Variants in POLR2C observed in about 807,000 individuals in gnomAD.
POLR2C encodes DNA-directed RNA polymerase II subunit RPB3.
A neutral mutation model predicts 41.7 loss-of-function variants in POLR2C; 36 were observed. That is an observed-to-expected ratio of 0.86 (90% CI 0.66 to 1.14). The LOEUF (loss-of-function observed/expected upper bound fraction) is 1.14, where lower values mean the gene tolerates loss of function less well. Ranked by LOEUF, POLR2C falls within the 50% of genes most tolerant of loss-of-function variation. POLR2C has a pLI of 0.00. For missense variants in POLR2C, 260 were observed against 350.4 expected (o/e 0.74, Z 2.06); for synonymous variants, 133 against 137.8 (o/e 0.96, Z 0.25).
At chr16:57,470,872 TG>T in intron 8 of POLR2C, 102 bp from the exon 9 acceptor site, 1 of 1,141,786 alleles carries the variant, frequency 8.8e-7, no homozygotes, top group Non-Finnish European at 1.3e-6. Flanking sequence ...AAGTTCCATG[TG>T]GGAACAGAGC....
rs895181991 is a variant in POLR2C, at chr16:57,465,787, G to T, written c.137-166G>T. On this transcript the variant is annotated intron_variant, in intron 2 of 8. Transcript: ENST00000219252. ...CAGGGAGGTGAGGTGTGGTGTGTGT[G>T]GGTCTTATTAAAATGCAAGTACCTG... 10 of 620,476 alleles carry T rather than the reference G, an allele frequency of 1.6e-5. 1 individual carries two copies. The highest frequency in any genetic ancestry group is 4.3e-4 in the Middle Eastern group (1 of 2,346). The allele number at this position is 620,476 out of a possible 1,614,324, so 38.4% of individuals were successfully genotyped here. A position where few individuals can be genotyped will look rare whatever the true frequency, so the allele number is the denominator to read the frequency against.
chr16:57,463,180 G>A, intron 2 of POLR2C, 102 bp downstream of exon 2: 2 of 973,544 alleles, frequency 2.1e-6, no homozygotes, highest in Non-Finnish European at 1.6e-6. Context: ...TCGGGCTGAG[G>A]GTGGTAGTGC....
At chr16:57,463,515 A>C in intron 2 of POLR2C, 1 of 371,420 alleles carries the variant, frequency 2.7e-6, no homozygotes, top group South Asian at 2.0e-5. Flanking sequence ...CGCAATAGGT[A>C]GTTTTTCACC....
At chr16:57,463,684 C>T in intron 2 of POLR2C, 1 of 452,214 alleles carries the variant, frequency 2.2e-6, no homozygotes, top group Non-Finnish European at 4.4e-6. Flanking sequence ...GCGCTCGCGC[C>T]TGTAATTCCA....
At position 57,470,937 on chromosome 16, in the gene POLR2C, C is replaced by G. The variant is rs1214294913; in HGVS notation, c.684-38C>G. The G allele has an allele frequency of 1.9e-6, 3 of 1,603,928 alleles. No individual in the cohort carries two copies. In the African/African-American group the frequency reaches 4.1e-5, roughly 22 times the overall value. ...ATGGCCAGAGCTCGGGTCGGCCAGC[C>G]TGCCTCGCAGTGCACTCACTGGACT... On this transcript the variant is annotated intron_variant, in intron 8 of 8. Transcript: ENST00000219252.
chr16:57,466,215 G>A lies in POLR2C; in HGVS notation c.246G>A (p.Leu82=). 6.3e-7 allele frequency: 1 copy of A among 1,595,098 alleles called. No homozygotes were observed. The highest frequency in any genetic ancestry group is 8.5e-7 in the Non-Finnish European group (1 of 1,170,576). ...TTAGTGATGACATTGTGGACAAGCT[G>A]CAGTACTCTCGGGTATGTTGTGTGA... ...PLISDDIVDK[L]QYSRDCTCEE... is the part of the protein sequence containing the mutation. Residue 82 remains leucine, a synonymous_variant, in exon 4 of 9, where the codon CTG becomes CTA. Transcript: ENST00000219252.
Position 57,471,248 on chromosome 16 carries a change from G to A in POLR2C, c.*129G>A, listed in dbSNP as rs570557590. 13 of 757,074 alleles carry A rather than the reference G, an allele frequency of 1.7e-5. No individual in the cohort carries two copies. The East Asian group carries it at 3.4e-4, about 20-fold the overall frequency. 46.9% of individuals were successfully genotyped at this position (757,074 alleles called of 1,614,324 possible). A position where few individuals can be genotyped will look rare whatever the true frequency, so the allele number is the denominator to read the frequency against. On this transcript the variant is annotated 3_prime_UTR_variant, in exon 9 of 9. Coordinates refer to ENST00000219252, the MANE Select transcript of POLR2C (RefSeq NM_032940.3). ...GGTTGAGCTTCTTGGCAGGACATCA[G>A]TACCAACTAGAAGTGGGTCATAGAT... is the stretch of plus-strand genomic sequence containing the variant.
At chr16:57,462,924 A>C in intron 1 of POLR2C, 105 bp from the exon 2 acceptor site, 1 of 1,242,640 alleles carries the variant, frequency 8.0e-7, no homozygotes, top group Non-Finnish European at 1.1e-6. Context: ...ATGTCCTTCC[A>C]GAGCTGCCCC....
At position 57,470,264 on chromosome 16, in the gene POLR2C, C is replaced by A; in HGVS notation, c.609-16C>A. 1 of 1,612,366 alleles carries A rather than the reference C, an allele frequency of 6.2e-7. No homozygotes were observed. The highest frequency in any genetic ancestry group is 8.5e-7 in the Non-Finnish European group (1 of 1,178,932). On this transcript the variant is annotated splice_polypyrimidine_tract_variant and intron_variant, in intron 7 of 8. Transcript: ENST00000219252. ...GGAGCAGTGGCAACCTTGTGCTGAC[C>A]TGTGTTTGACCTCAGGCCAAAGAGT...
At chr16:57,466,297 G>A in intron 4 of POLR2C, 70 bp downstream of exon 4, 1 of 1,003,944 alleles carries the variant, frequency 1.0e-6, no homozygotes, top group East Asian at 2.4e-5. Context: ...GATTTTTCCT[G>A]ACATTTGGCA....
Position 57,465,971 on chromosome 16 carries a change from T to C in POLR2C, c.155T>C (p.Ile52Thr), listed in dbSNP as rs973801793. ...VPIIAIDWVQ[I>T]DANSSVLHDE... ...TTTTTAGCCATTGACTGGGTTCAGATTGATGCCAATTCCTCAGTTCTTCAT... is the reference window on the plus strand; with the variant it reads ...TTTTTAGCCATTGACTGGGTTCAGACTGATGCCAATTCCTCAGTTCTTCAT... Residue 52 changes from isoleucine to threonine, a missense_variant, in exon 3 of 9, where the codon ATT (isoleucine) becomes ACT (threonine). Coordinates refer to ENST00000219252, the MANE Select transcript of POLR2C (RefSeq NM_032940.3). 1.2e-6 allele frequency: 2 copies of C among 1,604,750 alleles called. No homozygotes were observed. Among genetic ancestry groups the C allele is most frequent in the Non-Finnish European group, 8.5e-7 (1 of 1,171,540 alleles).
At chr16:57,463,914 T>C (rs1014782586) in intron 2 of POLR2C, 4 of 205,358 alleles carry the variant, frequency 1.9e-5, no homozygotes, top group Non-Finnish European at 4.1e-5. Flanking sequence ...CACTCTGGCC[T>C]GGGCAATAGA....
At position 57,469,275 on chromosome 16, in the gene POLR2C, C is replaced by T. The variant is rs763077379; in HGVS notation, c.369C>T (p.Asn123=). 3.1e-6 allele frequency: 5 copies of T among 1,614,236 alleles called. No homozygotes were observed. The Admixed American group carries it at 6.7e-5, about 22-fold the overall frequency. ...RHVTSRDLIS[N]SPRVIPVTSR... ...TCACGTCTCGAGACCTCATCTCCAA[C>T]AGCCCCCGGGTCATTCCGGTCAGTG... The change falls in exon 5 of 9, where the codon AAC becomes AAT. Residue 123 remains asparagine (N), a synonymous_variant. Transcript: ENST00000219252. This position sits in a 1 kb window ranked among gnomAD's most constrained non-coding sequence, Gnocchi z 5.8.
In POLR2C at chr16:57,469,250, T is replaced by C; in HGVS notation, c.344T>C (p.Val115Ala). The stretch of plus-strand genomic sequence containing the variant: ...TGCAATGAAGACCAGACGCGACATG[T>C]CACGTCTCGAGACCTCATCTCCAAC... ...VRCNEDQTRH[V>A]TSRDLISNSP... The change falls in exon 5 of 9, where the codon GTC (valine) becomes GCC (alanine). Residue 115 changes from valine (V) to alanine (A), a missense_variant. By Grantham distance (64) the Val-to-Ala change is moderately conservative. Coordinates refer to ENST00000219252, the MANE Select transcript of POLR2C (RefSeq NM_032940.3). The surrounding 1 kb of genome is among the most constrained non-coding windows in gnomAD (Gnocchi z 5.8). 6.2e-7 allele frequency: 1 copy of C among 1,614,210 alleles called. No individual in the cohort carries two copies. The highest frequency in any genetic ancestry group is 8.5e-7 in the Non-Finnish European group (1 of 1,180,038).
In POLR2C at chr16:57,467,007, G is replaced by T. The variant is rs573631183; in HGVS notation, c.258+780G>T. ...CCAGCACTTTGGGAGGCCGAGGCGG[G>T]TTTATCACGAGGTCAGGAGATCGAG... On this transcript the variant is annotated intron_variant, in intron 4 of 8. Coordinates refer to ENST00000219252, the MANE Select transcript of POLR2C (RefSeq NM_032940.3). Among the ~76,000 whole-genome samples, 1,038 of 152,296 alleles carry T rather than the reference G, an allele frequency of 6.8e-3. 7 individuals are homozygous for T. Among genetic ancestry groups the T allele is most frequent in the Middle Eastern group, 0.01 (3 of 294 alleles).
intron 2 of POLR2C, chr16:57,463,979 C>G (rs1410425591): frequency 1.2e-5 from 2 of 167,302 alleles, no homozygotes; most frequent in Non-Finnish European, 2.6e-5. Context: ...GGCTTCCAGC[C>G]ACGTCCATGT....
rs2030787159 is a variant in POLR2C at position 57,469,910 on chromosome 16, G to A, written c.440-51G>A. 1 of 1,603,922 alleles carries A rather than the reference G, an allele frequency of 6.2e-7. No individual in the cohort carries two copies. The highest frequency in any genetic ancestry group is 8.5e-7 in the Non-Finnish European group (1 of 1,172,892). The stretch of plus-strand genomic sequence containing the variant: ...GCAGTGGCACTCCAAGTCAGAATTT[G>A]GAGAAGCATGTCTCTCCTGGCCCTT... On this transcript the variant is annotated intron_variant, in intron 6 of 8. Coordinates refer to ENST00000219252, the MANE Select transcript of POLR2C (RefSeq NM_032940.3). This position sits in a 1 kb window ranked among gnomAD's most constrained non-coding sequence, Gnocchi z 5.8.
Position 57,469,068 on chromosome 16 carries a change from A to G in POLR2C, c.259-97A>G. ...CCCCTTTTTACAGGTGAAGAAACTT[A>G]AGGAACTGGGCATTAGATGCAGGAA... On this transcript the variant is annotated intron_variant, in intron 4 of 8. Transcript: ENST00000219252. The surrounding 1 kb of genome is among the most constrained non-coding windows in gnomAD (Gnocchi z 5.8). 2.4e-6 allele frequency: 3 copies of G among 1,248,902 alleles called. No homozygotes were observed. Among genetic ancestry groups the G allele is most frequent in the Non-Finnish European group, 3.4e-6 (3 of 877,308 alleles). The allele number at this position is 1,248,902 out of a possible 1,614,324, so 77.4% of individuals were successfully genotyped here. A position where few individuals can be genotyped will look rare whatever the true frequency, so the allele number is the denominator to read the frequency against.
rs776134899 is a variant in POLR2C, at chr16:57,469,690, G to T, written c.388-20G>T. 40 of 1,606,090 alleles carry T rather than the reference G, an allele frequency of 2.5e-5. No homozygotes were observed. Among genetic ancestry groups the T allele is most frequent in the Non-Finnish European group, 3.2e-5 (38 of 1,174,558 alleles). On this transcript the variant is annotated intron_variant, in intron 5 of 8. Transcript: ENST00000219252. This position sits in a 1 kb window ranked among gnomAD's most constrained non-coding sequence, Gnocchi z 5.8. ...CTGGGGAGGTGAGCAGCTAATGAAT[G>T]CCTGGTGGACTCCCTACAGGTGACA...
Sources: allele counts gnomAD v4.1 joint callset (sites outside exome capture counted in the v4.1 genomes callset), GRCh38; gene constraint gnomAD v4.1.1; non-coding constraint Gnocchi (gnomAD v3.1); transcripts MANE v1.5; gene names NCBI Gene and HGNC (gene_info 2026-07-23, HGNC 2026-07-21).